Variants in HDAC9 observed in about 807,000 individuals in gnomAD.
HDAC9 encodes histone deacetylase 9, also known as MEF-2 interacting transcription repressor (MITR) protein.
In HDAC9, 41 loss-of-function variants were observed where a neutral mutation model predicts 139.4. The ratio of observed to expected loss-of-function variants is 0.29; its 90% CI spans 0.23 to 0.38. HDAC9 has a LOEUF of 0.38. Among genes scored for constraint, HDAC9 ranks in the 10% least tolerant of loss-of-function variants. The probability of loss-of-function intolerance (pLI) is 1.00; values close to 1 mark genes in which losing one functional copy is unlikely to be tolerated. For synonymous variants in HDAC9, 517 were observed against 476.2 expected (o/e 1.09, Z -1.12); for missense variants, 1,147 against 1,297.0 (o/e 0.88, Z 1.78).
At chr7:18,732,929 GTATGTATGTGTATACACACGTGTA>G (rs1562893691) in intron 13 of HDAC9, among the ~76,000 whole-genome samples, 2 of 92,118 alleles carry the variant, frequency 2.2e-5, no homozygotes, top group Admixed American at 9.9e-5. Flanking sequence ...ACACACGTGT[GTATGTATGTGTATACACACGTGTA>G]TGTGTGTGTA....
intron 1 of HDAC9, among the ~76,000 whole-genome samples, chr7:18,405,628 A>G (rs560370540): frequency 7.1e-4 from 108 of 152,196 alleles, no homozygotes; most frequent in Non-Finnish European, 1.4e-3. Context: ...GCATAAGAAG[A>G]AAGAAAATAT....
chr7:18,187,195 T>C (rs922401819), intron 2 of HDAC9, among the ~76,000 whole-genome samples: 1 of 152,212 alleles, frequency 6.6e-6, no homozygotes, highest in African/African-American at 2.4e-5. Context: ...AATGAAATTG[T>C]CTATTAAGCA....
intron 2 of HDAC9, among the ~76,000 whole-genome samples, chr7:18,175,692 G>A (rs1223798393): frequency 2.0e-5 from 3 of 151,678 alleles, no homozygotes; most frequent in Non-Finnish European, 4.4e-5. Context: ...CCATATTATT[G>A]GTGAACTTTT....
chr7:18,840,896 G>T (rs946602969), intron 21 of HDAC9, among the ~76,000 whole-genome samples: 7 of 152,064 alleles, frequency 4.6e-5, no homozygotes, highest in African/African-American at 1.4e-4. Context: ...GGCTTCCGGG[G>T]ATTCCTCCCC....
chr7:18,566,874 G>T (rs1822533909), intron 2 of HDAC9, among the ~76,000 whole-genome samples: 1 of 152,206 alleles, frequency 6.6e-6, no homozygotes, highest in African/African-American at 2.4e-5. Context: ...GAGTGTAGTG[G>T]ATGTAGTAGG....
intron 12 of HDAC9, among the ~76,000 whole-genome samples, chr7:18,694,366 C>T (rs1206505249): frequency 1.3e-5 from 2 of 152,116 alleles, no homozygotes; most frequent in Admixed American, 6.6e-5. Context: ...TGACCCATAC[C>T]ACATTCAGCC....
intron 22 of HDAC9, among the ~76,000 whole-genome samples, chr7:18,896,882 G>T (rs1378651568): frequency 2.0e-5 from 3 of 151,904 alleles, no homozygotes; most frequent in African/African-American, 2.4e-5. Flanking sequence ...GGTATCTATG[G>T]AGAAATAGTG....
At chr7:18,161,641 C>G (rs1341317938) in intron 1 of HDAC9, among the ~76,000 whole-genome samples, 1 of 152,126 alleles carries the variant, frequency 6.6e-6, no homozygotes, top group South Asian at 2.1e-4. Context: ...TCCTGTTAGT[C>G]TGACTCCTAG....
chr7:18,180,458 A>G (rs549672156), intron 2 of HDAC9, among the ~76,000 whole-genome samples: 1 of 151,886 alleles, frequency 6.6e-6, no homozygotes, highest in Admixed American at 6.6e-5. Flanking sequence ...ATTGATGAGT[A>G]TGAGAGATTG....
At chr7:18,840,498 A>C (rs1014125633) in intron 21 of HDAC9, among the ~76,000 whole-genome samples, 3 of 152,010 alleles carry the variant, frequency 2.0e-5, no homozygotes, top group African/African-American at 7.2e-5. Flanking sequence ...TTTAGTCAAA[A>C]TTTTGGGGGT....
intron 1 of HDAC9, among the ~76,000 whole-genome samples, chr7:18,460,075 A>C (rs1793704910): frequency 6.6e-6 from 1 of 151,514 alleles, no homozygotes; most frequent in African/African-American, 2.4e-5. Flanking sequence ...ATGTACTACC[A>C]CGCACCACTG....
intron 13 of HDAC9, among the ~76,000 whole-genome samples, chr7:18,741,852 T>G (rs960260413): frequency 1.3e-4 from 20 of 152,150 alleles, no homozygotes; most frequent in Non-Finnish European, 2.5e-4. Flanking sequence ...CATGGATGAC[T>G]TCGAGGGGGT....
At chr7:18,377,483 CT>C (rs1264826525) in intron 1 of HDAC9, among the ~76,000 whole-genome samples, 1 of 152,132 alleles carries the variant, frequency 6.6e-6, no homozygotes, top group Admixed American at 6.5e-5. Flanking sequence ...AAGATTTCTT[CT>C]TTTTTTCCTT....
At chr7:18,654,393 A>G (rs1790382245) in intron 11 of HDAC9, among the ~76,000 whole-genome samples, 1 of 152,130 alleles carries the variant, frequency 6.6e-6, no homozygotes, top group African/African-American at 2.4e-5. Context: ...TTTAAAAACT[A>G]TCAGCTCACT....
chr7:18,565,238 C>T (rs915415684), intron 2 of HDAC9, among the ~76,000 whole-genome samples: 22 of 152,082 alleles, frequency 1.4e-4, no homozygotes, highest in Admixed American at 1.3e-3. Context: ...TCAGGTGGTC[C>T]GCCCGCCTCA....
chr7:18,266,831 C>A (rs761341954), intron 2 of HDAC9, among the ~76,000 whole-genome samples: 3 of 152,054 alleles, frequency 2.0e-5, no homozygotes, highest in Non-Finnish European at 2.9e-5. Flanking sequence ...TTATGAAAGT[C>A]ATTTTGATGC....
intron 21 of HDAC9, among the ~76,000 whole-genome samples, chr7:18,847,645 G>T (rs6977299): frequency 0.99 from 150,507 of 152,302 alleles, 74,370 homozygotes; most frequent in Middle Eastern, 1. Flanking sequence ...TACACAAAAG[G>T]GCTCCCAAAC....
At chr7:18,248,393 C>T (rs1199969499) in intron 2 of HDAC9, among the ~76,000 whole-genome samples, 1 of 152,002 alleles carries the variant, frequency 6.6e-6, no homozygotes, top group Non-Finnish European at 1.5e-5. Flanking sequence ...GTTTTATGCT[C>T]GTATGACATT....
chr7:18,954,022 A>G (rs951831520), intron 23 of HDAC9, 124 bp from the exon 24 acceptor site: 11 of 675,102 alleles, frequency 1.6e-5, no homozygotes, highest in Non-Finnish European at 2.9e-5. Flanking sequence ...TATCAGCAAA[A>G]TGTTAACTAG....
Sources: allele counts gnomAD v4.1 joint callset (sites outside exome capture counted in the v4.1 genomes callset), GRCh38; gene constraint gnomAD v4.1.1; transcripts MANE v1.5; gene names NCBI Gene and HGNC (gene_info 2026-07-23, HGNC 2026-07-21).